The following ARMH3 variants were observed in gnomAD, a reference collection of about 807,000 sequenced individuals.
ARMH3 encodes the protein armadillo like helical domain containing 3, also known as armadillo-like helical domain-containing protein 3.
ARMH3 carries 60 observed loss-of-function variants against 99.1 expected under a neutral mutation model. That is an observed-to-expected ratio of 0.61 (90% CI 0.49 to 0.75). The LOEUF is 0.75. ARMH3 is among the 30% of genes least tolerant of loss of function. The pLI is 0.00. For synonymous variants in ARMH3, 285 were observed against 292.8 expected (o/e 0.97, Z 0.27); for missense variants, 679 against 843.1 (o/e 0.81, Z 2.41).
chr10:101,999,288 T>A (rs1208779920), intron 15 of ARMH3, among the ~76,000 whole-genome samples: 2 of 152,080 alleles, frequency 1.3e-5, no homozygotes, highest in African/African-American at 4.8e-5. Flanking sequence ...GCCTCCCGCA[T>A]TCAAGCGATT....
rs568781775 is a variant in ARMH3 at position 101,973,775 on chromosome 10, A to T, written c.1495+1437T>A. Among the ~76,000 whole-genome samples, 5 of 152,344 alleles carry T rather than the reference A, an allele frequency of 3.3e-5. No individual in the cohort carries two copies. The South Asian group carries it at 1.0e-3, about 32-fold the overall frequency. ...GAAGGGAATCAGAAGATGCAGGCGGAAACAACTACTACTACCACCTTGTTT... is the reference window on the plus strand; with the variant it reads ...GAAGGGAATCAGAAGATGCAGGCGGTAACAACTACTACTACCACCTTGTTT... On this transcript the variant is annotated intron_variant, in intron 20 of 25. Coordinates refer to ENST00000370033, the MANE Select transcript of ARMH3 (RefSeq NM_024541.3).
intron 24 of ARMH3, among the ~76,000 whole-genome samples, chr10:101,877,670 A>AAT (rs1554852614): frequency 6.6e-6 from 1 of 151,360 alleles, no homozygotes; most frequent in Non-Finnish European, 1.5e-5. Flanking sequence ...AAAAAAAAAA[A>AAT]TTTTTTTAAA....
intron 23 of ARMH3, among the ~76,000 whole-genome samples, chr10:101,911,032 C>G (rs1366450267): frequency 6.6e-6 from 1 of 151,324 alleles, no homozygotes; most frequent in Admixed American, 6.6e-5. Flanking sequence ...CCCAACTATT[C>G]GGGAGACTGA....
intron 22 of ARMH3, among the ~76,000 whole-genome samples, chr10:101,955,104 T>C (rs1410588313): frequency 2.0e-5 from 3 of 152,218 alleles, no homozygotes; most frequent in Non-Finnish European, 2.9e-5. Flanking sequence ...GCCAGGCAGA[T>C]GCAAACCACA....
chr10:101,931,769 C>T (rs1843734184), intron 23 of ARMH3, among the ~76,000 whole-genome samples: 1 of 152,052 alleles, frequency 6.6e-6, no homozygotes, highest in Non-Finnish European at 1.5e-5. Context: ...AAAAAAGGAT[C>T]AAGGACCTAA....
At chr10:102,055,655 C>G (rs1281149905) in intron 1 of ARMH3, among the ~76,000 whole-genome samples, 1 of 152,200 alleles carries the variant, frequency 6.6e-6, no homozygotes, top group Non-Finnish European at 1.5e-5. Context: ...AGACTTCGCA[C>G]AAACCCGCTT....
intron 23 of ARMH3, among the ~76,000 whole-genome samples, chr10:101,931,328 G>A (rs1843712857): frequency 6.6e-6 from 1 of 152,166 alleles, no homozygotes; most frequent in Non-Finnish European, 1.5e-5. Flanking sequence ...TTCAAGACCA[G>A]CCTGGCCAAC....
chr10:102,050,878 C>T (rs1211514705), intron 1 of ARMH3, among the ~76,000 whole-genome samples: 2 of 149,018 alleles, frequency 1.3e-5, no homozygotes, highest in Non-Finnish European at 3.0e-5. Context: ...AAAAAAAAGG[C>T]CAGGCATGGT....
At chr10:102,053,502 TA>T (rs1564890110) in intron 1 of ARMH3, among the ~76,000 whole-genome samples, 3 of 151,812 alleles carry the variant, frequency 2.0e-5, no homozygotes, top group Non-Finnish European at 4.4e-5. Context: ...CCCAAAGTGC[TA>T]GGATTACAGG....
At position 101,897,018 on chromosome 10, in the gene ARMH3, C is replaced by G. The variant is rs540475033; in HGVS notation, c.1782-7528G>C. 1.2e-3 allele frequency among the ~76,000 whole-genome samples: 177 copies of G among 152,224 alleles called. 1 individual carries two copies. The highest frequency in any genetic ancestry group is 3.9e-3 in the African/African-American group (164 of 41,538). On this transcript the variant is annotated intron_variant, in intron 23 of 25. Transcript: ENST00000370033. ...TGGAATAGGATGTTGAGGGGGGTGG[C>G]AGGGTTGGTGGATGAGAAGAAAGTT...
Position 101,991,641 on chromosome 10 carries a change from A to G in ARMH3, c.1345+328T>C, listed in dbSNP as rs534024047. On this transcript the variant is annotated intron_variant, in intron 18 of 25. Transcript: ENST00000370033. ...AGTGATCCGCCCACCTCAGCCTCCC[A>G]AAGTGCTGTGATTACAGGTGTGAGC... Among the ~76,000 whole-genome samples the G allele has an allele frequency of 3.3e-5, 5 of 152,298 alleles. No homozygotes were observed. The East Asian group carries it at 7.7e-4, about 24-fold the overall frequency.
chr10:101,871,349 G>T (rs1413852890), intron 24 of ARMH3, among the ~76,000 whole-genome samples: 1 of 152,086 alleles, frequency 6.6e-6, no homozygotes, highest in African/African-American at 2.4e-5. Flanking sequence ...TACAGAAATG[G>T]AAAGGACCTA....
At chr10:101,971,213 T>C (rs1220003083) in intron 20 of ARMH3, among the ~76,000 whole-genome samples, 3 of 151,780 alleles carry the variant, frequency 2.0e-5, no homozygotes, top group East Asian at 3.9e-4. Flanking sequence ...AAATGGTCTA[T>C]AGCCTCAAGA....
At chr10:102,013,729 T>C (rs527308709) in intron 9 of ARMH3, among the ~76,000 whole-genome samples, 1 of 152,186 alleles carries the variant, frequency 6.6e-6, no homozygotes, top group Non-Finnish European at 1.5e-5. Flanking sequence ...ACATGAAACA[T>C]AACCACTTCA....
At chr10:101,853,938 C>G (rs2066671320) in intron 24 of ARMH3, among the ~76,000 whole-genome samples, 1 of 152,152 alleles carries the variant, frequency 6.6e-6, no homozygotes, top group Non-Finnish European at 1.5e-5. Flanking sequence ...GATGGTGAAG[C>G]CCCGTCTCTA....
intron 24 of ARMH3, among the ~76,000 whole-genome samples, chr10:101,874,284 AAAG>A (rs2067206006): frequency 6.6e-6 from 1 of 152,026 alleles, no homozygotes; most frequent in South Asian, 2.1e-4. Flanking sequence ...GTTAAATTTA[AAAG>A]TCCAGCAAAT....
At chr10:102,001,063 C>T (rs759466801) in intron 15 of ARMH3, among the ~76,000 whole-genome samples, 3 of 152,044 alleles carry the variant, frequency 2.0e-5, no homozygotes, top group Non-Finnish European at 4.4e-5. Context: ...GTGATCCTCC[C>T]GCCTCAGCCT....
At chr10:101,957,324 G>A (rs1409288638) in intron 21 of ARMH3, among the ~76,000 whole-genome samples, 1 of 152,114 alleles carries the variant, frequency 6.6e-6, no homozygotes, top group African/African-American at 2.4e-5. Flanking sequence ...ACCTTCAGAG[G>A]GTTTGCTATT....
At chr10:101,945,488 C>T (rs1192290082) in intron 22 of ARMH3, among the ~76,000 whole-genome samples, 1 of 152,000 alleles carries the variant, frequency 6.6e-6, no homozygotes, top group African/African-American at 2.4e-5. Context: ...GAGGCTGAGG[C>T]GGGTGGATCA....
Sources: allele counts gnomAD v4.1 joint callset (sites outside exome capture counted in the v4.1 genomes callset), GRCh38; gene constraint gnomAD v4.1.1; transcripts MANE v1.5; gene names NCBI Gene and HGNC (gene_info 2026-07-23, HGNC 2026-07-21).